The following RAB11FIP3 variants were observed in gnomAD, a reference collection of about 807,000 sequenced individuals.
The protein encoded by RAB11FIP3 is RAB11 family interacting protein 3, also known as rab11 family-interacting protein 3.
Under a neutral mutation model 77.8 loss-of-function variants are expected in RAB11FIP3, and 17 were observed. That is an observed-to-expected ratio of 0.22 (90% CI 0.15 to 0.33). The LOEUF (loss-of-function observed/expected upper bound fraction) is 0.33. Among genes scored for constraint, RAB11FIP3 ranks in the 10% least tolerant of loss-of-function variants. The pLI is 1.00. For synonymous variants in RAB11FIP3, 437 were observed against 448.2 expected (o/e 0.98, Z 0.31); for missense variants, 1,005 against 1,011.2 (o/e 0.99, Z 0.08).
intron 10 of RAB11FIP3, 21 bp from the exon 11 acceptor site, chr16:519,733 G>A (rs1194169976): frequency 6.2e-7 from 1 of 1,609,932 alleles, no homozygotes; most frequent in Admixed American, 1.7e-5. Flanking sequence ...CCGCATCCAG[G>A]GCAGGTGTCC....
At chr16:493,251 C>CAAA (rs71139788) in intron 5 of RAB11FIP3, among the ~76,000 whole-genome samples, 16 of 102,452 alleles carry the variant, frequency 1.6e-4, no homozygotes, top group African/African-American at 4.7e-4. Flanking sequence ...ACTCTGACTC[C>CAAA]AAAAAAAAAA....
At chr16:465,610 C>T (rs2055688940) in intron 2 of RAB11FIP3, among the ~76,000 whole-genome samples, 1 of 152,142 alleles carries the variant, frequency 6.6e-6, no homozygotes, top group African/African-American at 2.4e-5. Context: ...CCTCTCAGCA[C>T]TGGCTCCTTT....
intron 4 of RAB11FIP3, among the ~76,000 whole-genome samples, chr16:483,583 T>C (rs1022416955): frequency 1.3e-5 from 2 of 152,250 alleles, no homozygotes; most frequent in African/African-American, 4.8e-5. Context: ...CCAAAATAGA[T>C]TTCTTTGACA....
chr16:444,417 G>A (rs1045522239), intron 1 of RAB11FIP3, among the ~76,000 whole-genome samples: 4 of 152,106 alleles, frequency 2.6e-5, no homozygotes, highest in Non-Finnish European at 5.9e-5. Flanking sequence ...CTCTACTGTT[G>A]GATGATCTCT....
rs187440581 is a variant in RAB11FIP3, at chr16:471,905, G to C, written c.903+516G>C. ...AGGGTCTTCGAGCACAGCCGTGGTCGACAGAGCGTAACCATGTCCGCCGGT... is the reference window on the plus strand; with the variant it reads ...AGGGTCTTCGAGCACAGCCGTGGTCCACAGAGCGTAACCATGTCCGCCGGT... On this transcript the variant is annotated intron_variant, in intron 3 of 13. Coordinates refer to ENST00000262305, the MANE Select transcript of RAB11FIP3 (RefSeq NM_014700.4). The surrounding 1 kb of genome is among the most constrained non-coding windows in gnomAD (Gnocchi z 4.4). Among the ~76,000 whole-genome samples the C allele has an allele frequency of 6.6e-6, 1 of 152,234 alleles. No individual in the cohort carries two copies. The highest frequency in any genetic ancestry group is 2.4e-5 in the African/African-American group (1 of 41,544).
At chr16:474,847 T>G in intron 3 of RAB11FIP3, 2 of 1,432,216 alleles carry the variant, frequency 1.4e-6, no homozygotes, top group Non-Finnish European at 9.2e-7. Flanking sequence ...CAGCAGGAGG[T>G]TTATTAGAGC....
rs529741706 is a variant in RAB11FIP3 at position 502,422 on chromosome 16, C to T, written c.1302-582C>T. ...ACAGGAGCTGGTGCCACAGAGGACA[C>T]GTGTGTCTGCTGTCTTCCTGGACTC... On this transcript the variant is annotated intron_variant, in intron 6 of 13. Coordinates refer to ENST00000262305, the MANE Select transcript of RAB11FIP3 (RefSeq NM_014700.4). Among the ~76,000 whole-genome samples the T allele has an allele frequency of 2.0e-5, 3 of 152,280 alleles. 1 individual carries two copies. The highest frequency in any genetic ancestry group is 2.1e-4 in the South Asian group (1 of 4,826).
chr16:443,463 C>T (rs2055259008), intron 1 of RAB11FIP3, among the ~76,000 whole-genome samples: 1 of 152,180 alleles, frequency 6.6e-6, no homozygotes, highest in Non-Finnish European at 1.5e-5. Flanking sequence ...GACAGTTAAA[C>T]AAAACCAGAG....
At chr16:467,617 AGGGAGGAGGTGCT>A (rs2055728391) in intron 2 of RAB11FIP3, among the ~76,000 whole-genome samples, 1 of 129,150 alleles carries the variant, frequency 7.7e-6, no homozygotes, top group Admixed American at 7.4e-5. Context: ...CTGGGGCGTC[AGGGAGGAGGTGCT>A]GGGGCCTCAG....
chr16:494,056 ACC>A (rs2030872869), intron 5 of RAB11FIP3, among the ~76,000 whole-genome samples: 1 of 69,110 alleles, frequency 1.4e-5, no homozygotes, highest in Non-Finnish European at 2.8e-5. Context: ...GGCGCCCATC[ACC>A]ACACCTGGCT....
chr16:447,043 A>G (rs1237411656), intron 1 of RAB11FIP3, among the ~76,000 whole-genome samples: 1 of 151,662 alleles, frequency 6.6e-6, no homozygotes, highest in African/African-American at 2.4e-5. Flanking sequence ...GATGGCTCAC[A>G]GCTATAGTCC....
chr16:470,629 C>T (rs565105812), intron 2 of RAB11FIP3, among the ~76,000 whole-genome samples: 16 of 152,266 alleles, frequency 1.1e-4, no homozygotes, highest in South Asian at 1.0e-3. Context: ...ATCACTGAGA[C>T]GCTGGAAGCC....
intron 1 of RAB11FIP3, among the ~76,000 whole-genome samples, chr16:442,184 G>A (rs993581578): frequency 5.3e-5 from 8 of 152,240 alleles, no homozygotes; most frequent in East Asian, 3.9e-4. Context: ...TGCCCAGGCC[G>A]GAGCGCAGTG....
intron 1 of RAB11FIP3, among the ~76,000 whole-genome samples, chr16:448,738 GAA>G (rs34545276): frequency 0.082 from 7,255 of 88,160 alleles, 277 homozygotes; most frequent in East Asian, 0.24. Context: ...TCCGTCTCAA[GAA>G]AAAAAAAAAA....
intron 1 of RAB11FIP3, among the ~76,000 whole-genome samples, chr16:440,220 A>G (rs1325719054): frequency 1.3e-5 from 2 of 152,070 alleles, no homozygotes; most frequent in Non-Finnish European, 2.9e-5. Context: ...TTATAGTTGC[A>G]TAAAATGGAA....
At chr16:508,172 G>A (rs1002913477) in intron 8 of RAB11FIP3, among the ~76,000 whole-genome samples, 1 of 152,184 alleles carries the variant, frequency 6.6e-6, no homozygotes, top group Non-Finnish European at 1.5e-5. Flanking sequence ...TAGTGTAGCT[G>A]GGCATAAAAT....
chr16:462,141 A>G (rs1197130374), intron 2 of RAB11FIP3, among the ~76,000 whole-genome samples: 3 of 152,144 alleles, frequency 2.0e-5, no homozygotes, highest in African/African-American at 7.2e-5. Flanking sequence ...TGGGTGCCGC[A>G]TACCCCTCGC....
At chr16:500,002 G>C (rs1280371238) in intron 6 of RAB11FIP3, among the ~76,000 whole-genome samples, 1 of 152,180 alleles carries the variant, frequency 6.6e-6, no homozygotes, top group African/African-American at 2.4e-5. Context: ...TCAGCCCTTC[G>C]CGCTGAACTA....
At chr16:473,153 T>G (rs1267256440) in intron 3 of RAB11FIP3, among the ~76,000 whole-genome samples, 1 of 152,176 alleles carries the variant, frequency 6.6e-6, no homozygotes, top group Non-Finnish European at 1.5e-5. Flanking sequence ...AAACCTTGAG[T>G]GACGTTACTC....
Sources: gnomAD v4.1 joint callset for allele counts (sites outside exome capture counted in the v4.1 genomes callset) on GRCh38, gnomAD v4.1.1 for gene constraint, Gnocchi (gnomAD v3.1) non-coding constraint, MANE v1.5 for transcripts, NCBI Gene and HGNC (gene_info 2026-07-23, HGNC 2026-07-21) for gene names.